AFP: variants seen among roughly 807,000 people sequenced by gnomAD.
AFP encodes the protein alpha fetoprotein.
Under a neutral mutation model 78.9 loss-of-function variants are expected in AFP, and 64 were observed. The observed-to-expected ratio is 0.81, with a 90% CI of 0.66 to 1.00. The LOEUF is 1.00. AFP is among the 50% of genes least tolerant of loss of function. The pLI is 0.00. For synonymous variants in AFP, 254 were observed against 243.8 expected (o/e 1.04, Z -0.39); for missense variants, 689 against 703.8 (o/e 0.98, Z 0.24).
Position 73,445,044 on chromosome 4 carries a change from C to T in AFP, c.765C>T (p.Ile255=). 6.2e-7 allele frequency: 1 copy of T among 1,613,760 alleles called. No individual in the cohort carries two copies. Residue 255 remains isoleucine, a synonymous_variant, in exon 7 of 15, where the codon ATC becomes ATT. Coordinates refer to ENST00000395792, the MANE Select transcript of AFP (RefSeq NM_001134.3). Reference sequence around the variant, plus strand: ...TTACCAAAGTTAATTTTACTGAAATCCAGAAACTAGTCCTGGATGTGGCCC... The same window carrying T: ...TTACCAAAGTTAATTTTACTGAAATTCAGAAACTAGTCCTGGATGTGGCCC... ...QKFTKVNFTE[I]QKLVLDVAHV...
chr4:73,437,263 A>G (rs769094484), intron 2 of AFP, 52 bp downstream of exon 2: 2 of 1,449,738 alleles, frequency 1.4e-6, no homozygotes, highest in East Asian at 4.6e-5. Flanking sequence ...AAGGATAAGT[A>G]AATACTTAAA....
intron 1 of AFP, 57 bp from the exon 2 acceptor site, chr4:73,437,103 A>T (rs1577950220): frequency 1.0e-5 from 13 of 1,281,648 alleles, no homozygotes; most frequent in South Asian, 7.2e-5. Flanking sequence ...TGTAACAATG[A>T]TTACTTTCTT....
In AFP at chr4:73,440,667, C is replaced by G; in HGVS notation, c.336C>G (p.Asp112Glu). The stretch of plus-strand genomic sequence containing the variant: ...TTTTGGAGAAGTACGGACATTCAGA[C>G]TGCTGCAGCCAAAGTGAAGAGGGAA... Reference protein sequence around the residue: ...KEILEKYGHSDCCSQSEEGRH... With the variant: ...KEILEKYGHSECCSQSEEGRH... Residue 112 changes from aspartate to glutamate, a missense_variant, in exon 4 of 15, where the codon GAC becomes GAG. Coordinates refer to ENST00000395792, the MANE Select transcript of AFP (RefSeq NM_001134.3). 6.2e-7 allele frequency: 1 copy of G among 1,614,192 alleles called. No individual in the cohort carries two copies. The highest frequency in any genetic ancestry group is 8.5e-7 in the Non-Finnish European group (1 of 1,180,026).
rs911843975 is a variant in AFP at position 73,440,337 on chromosome 4, A to T, written c.271-265A>T. 8.5e-5 allele frequency among the ~76,000 whole-genome samples: 13 copies of T among 152,344 alleles called. No homozygotes were observed. The East Asian group carries it at 2.5e-3, about 29-fold the overall frequency. ...AATTTTTGATAACACAAAAAGGAAA[A>T]ATAAAATAATTCAAAATTGGGAAAG... On this transcript the variant is annotated intron_variant, in intron 3 of 14. Coordinates refer to ENST00000395792, the MANE Select transcript of AFP (RefSeq NM_001134.3).
chr4:73,438,781 G>A (rs909079865), intron 3 of AFP, among the ~76,000 whole-genome samples: 3 of 152,098 alleles, frequency 2.0e-5, no homozygotes, highest in African/African-American at 7.2e-5. Flanking sequence ...CAGAATGGTT[G>A]TCCAGTGAGT....
At chr4:73,451,688 G>A (rs577681834) in intron 11 of AFP, among the ~76,000 whole-genome samples, 1 of 152,154 alleles carries the variant, frequency 6.6e-6, no homozygotes, top group Non-Finnish European at 1.5e-5. Flanking sequence ...ATGTCATTAA[G>A]CTTGAGTTTT....
intron 6 of AFP, 111 bp from the exon 7 acceptor site, chr4:73,444,882 G>A: frequency 1.0e-6 from 1 of 962,396 alleles, no homozygotes; most frequent in South Asian, 1.7e-5. Context: ...AACAACAAGG[G>A]AATTTCAGTC....
Position 73,440,631 on chromosome 4 carries a change from T to C in AFP, c.300T>C (p.His100=). 6.2e-7 allele frequency: 1 copy of C among 1,613,960 alleles called. No homozygotes were observed. The part of the protein sequence containing the change: ...QLPAFLEELC[H]EKEILEKYGH... ...CTGCCTTTCTGGAAGAACTTTGCCA[T>C]GAGAAAGAAATTTTGGAGAAGTACG... The change falls in exon 4 of 15, where the codon CAT becomes CAC. Residue 100 remains histidine, a synonymous_variant. Coordinates refer to ENST00000395792, the MANE Select transcript of AFP (RefSeq NM_001134.3).
intron 4 of AFP, 145 bp downstream of exon 4, chr4:73,440,958 G>A (rs1256693343): frequency 3.9e-6 from 3 of 768,342 alleles, no homozygotes; most frequent in African/African-American, 3.5e-5. Context: ...TCCCAGACAA[G>A]GTAATTAGGA....
In AFP at chr4:73,445,120, G is replaced by A; in HGVS notation, c.841G>A (p.Gly281Arg). Residue 281 changes from glycine to arginine, a missense_variant and splice_region_variant, in exon 7 of 15, where the codon GGG becomes AGG. By Grantham distance (125) the Gly-to-Arg change is moderately radical (BLOSUM62 -2). Coordinates refer to ENST00000395792, the MANE Select transcript of AFP (RefSeq NM_001134.3). ...RGDVLDCLQD[G>R]EKIMSYICSQ... ...AGATGTGCTGGATTGTCTGCAGGAT[G>A]GGGTGAAGAGTCTTGCTTCTTAAAA... The A allele has an allele frequency of 6.2e-7, 1 of 1,613,822 alleles. No homozygotes were observed. Among genetic ancestry groups the A allele is most frequent in the Non-Finnish European group, 8.5e-7 (1 of 1,179,820 alleles).
At position 73,455,914 on chromosome 4, in the gene AFP, A is replaced by C; in HGVS notation, c.*294A>C. The C allele has an allele frequency of 2.3e-6, 1 of 444,056 alleles. No homozygotes were observed. 27.5% of individuals were successfully genotyped at this position (444,056 alleles called of 1,614,324 possible). On this transcript the variant is annotated 3_prime_UTR_variant, in exon 15 of 15. Coordinates refer to ENST00000395792, the MANE Select transcript of AFP (RefSeq NM_001134.3). ...GGAGATTAAAGCTATCCAAGGATGG[A>C]TTTACAGCACTAGATCACTTGGTGA...
intron 3 of AFP, among the ~76,000 whole-genome samples, chr4:73,440,133 G>A (rs1393163342): frequency 6.6e-6 from 1 of 152,048 alleles, no homozygotes; most frequent in Non-Finnish European, 1.5e-5. Flanking sequence ...TGGCATGGTG[G>A]TTTGCTGCAC....
At position 73,447,459 on chromosome 4, in the gene AFP, C is replaced by T; in HGVS notation, c.844-3C>T. On this transcript the variant is annotated splice_polypyrimidine_tract_variant and splice_region_variant and intron_variant, in intron 7 of 14. Transcript: ENST00000395792. ...AACTTATACTTTATTTTCTCTGTTG[C>T]AGGAAAAAATCATGTCCTACATATG... The T allele has an allele frequency of 6.3e-7, 1 of 1,593,356 alleles. No homozygotes were observed. Among genetic ancestry groups the T allele is most frequent in the Non-Finnish European group, 8.6e-7 (1 of 1,166,926 alleles).
At position 73,455,776 on chromosome 4, in the gene AFP, T is replaced by G. The variant is rs953710560; in HGVS notation, c.*156T>G. On this transcript the variant is annotated 3_prime_UTR_variant, in exon 15 of 15. Coordinates refer to ENST00000395792, the MANE Select transcript of AFP (RefSeq NM_001134.3). ...CACAGAAATAAAATATCTCCAAATG[T>G]TTCCTTTTCCAAGTTTGCTTATTTA... The G allele has an allele frequency of 1.6e-6, 1 of 632,248 alleles. No homozygotes were observed. The highest frequency in any genetic ancestry group is 1.9e-5 in the African/African-American group (1 of 53,258). The allele number at this position is 632,248 out of a possible 1,614,324, so 39.2% of individuals were successfully genotyped here. A position where few individuals can be genotyped will look rare whatever the true frequency, so the allele number is the denominator to read the frequency against.
In AFP at chr4:73,437,205, C is replaced by T; in HGVS notation, c.131C>T (p.Ala44Val). Residue 44 changes from alanine to valine, a missense_variant, in exon 2 of 15, where the codon GCT becomes GTT. Coordinates refer to ENST00000395792, the MANE Select transcript of AFP (RefSeq NM_001134.3). ...CAATGTACTGCAGAGATAAGTTTAGCTGACCTGTAAGTTTTGCTTATATAA... is the reference window on the plus strand; with the variant it reads ...CAATGTACTGCAGAGATAAGTTTAGTTGACCTGTAAGTTTTGCTTATATAA... ...SYQCTAEISL[A>V]DLATIFFAQF... 1 of 1,609,308 alleles carries T rather than the reference C, an allele frequency of 6.2e-7. No homozygotes were observed.
At chr4:73,453,566 T>G (rs12506899) in intron 12 of AFP, 199 bp from the exon 13 acceptor site, 260,385 of 616,360 alleles carry the variant, frequency 0.42, 56,057 homozygotes, top group Admixed American at 0.52. Flanking sequence ...CCTGCACAAC[T>G]CCAGGCTGGT....
Position 73,447,563 on chromosome 4 carries a change from T to A in AFP, c.945T>A (p.Ile315=), listed in dbSNP as rs1453398506. ...LTTLERGQCI[I]HAENDEKPEG... ...CGCTGGAACGTGGTCAATGTATAAT[T>A]CATGCAGAAAATGATGAAAAACCTG... The change falls in exon 8 of 15, where the codon ATT becomes ATA. Residue 315 remains isoleucine, a synonymous_variant. Coordinates refer to ENST00000395792, the MANE Select transcript of AFP (RefSeq NM_001134.3). 1 of 1,612,764 alleles carries A rather than the reference T, an allele frequency of 6.2e-7. No homozygotes were observed. Among genetic ancestry groups the A allele is most frequent in the Admixed American group, 1.7e-5 (1 of 59,998 alleles).
chr4:73,446,398 T>A (rs1300928765), intron 7 of AFP, among the ~76,000 whole-genome samples: 1 of 152,172 alleles, frequency 6.6e-6, no homozygotes, highest in Non-Finnish European at 1.5e-5. Flanking sequence ...AATTTCAGCA[T>A]GATATGTAAG....
Position 73,447,622 on chromosome 4 carries a change from G to A in AFP, c.1004G>A (p.Gly335Glu). 1.2e-6 allele frequency: 2 copies of A among 1,611,828 alleles called. No individual in the cohort carries two copies. Among genetic ancestry groups the A allele is most frequent in the Middle Eastern group, 2.2e-4 (1 of 4,642 alleles). ...GLSPNLNRFL[G>E]DRDFNQFSSG... ...TCTCCAAATCTAAACAGGTTTTTAGGAGATAGAGATTTTAACCAATTTTCT... is the reference window on the plus strand; with the variant it reads ...TCTCCAAATCTAAACAGGTTTTTAGAAGATAGAGATTTTAACCAATTTTCT... The change falls in exon 8 of 15, where the codon GGA becomes GAA. Residue 335 changes from glycine (G) to glutamate (E), a missense_variant. Physicochemically the swap from Gly to Glu is moderately conservative, Grantham distance 98 (BLOSUM62 -2). Transcript: ENST00000395792.
Sources: gnomAD v4.1 joint callset for allele counts (sites outside exome capture counted in the v4.1 genomes callset) on GRCh38, gnomAD v4.1.1 for gene constraint, MANE v1.5 for transcripts, NCBI Gene and HGNC (gene_info 2026-07-23, HGNC 2026-07-21) for gene names.